The following SPRED2 variants were observed in gnomAD, a reference collection of about 807,000 sequenced individuals.
SPRED2 encodes the protein sprouty-related, EVH1 domain-containing protein 2.
In SPRED2, 47 loss-of-function variants were observed where a neutral mutation model predicts 43.0. The ratio of observed to expected loss-of-function variants is 1.09; its 90% CI spans 0.87 to 1.40. The LOEUF (loss-of-function observed/expected upper bound fraction) is 1.40. Among genes scored for constraint, SPRED2 ranks in the 40% most tolerant of loss-of-function variants. SPRED2 has a pLI of 0.00. For synonymous variants in SPRED2, 225 were observed against 225.7 expected (o/e 1.00, Z 0.03); for missense variants, 561 against 586.4 (o/e 0.96, Z 0.45).
At chr2:65,399,572 G>A (rs1020607314) in intron 1 of SPRED2, among the ~76,000 whole-genome samples, 7 of 151,680 alleles carry the variant, frequency 4.6e-5, no homozygotes, top group Non-Finnish European at 1.0e-4. Flanking sequence ...TAGTAGAGAC[G>A]GGGTTTCACC....
At chr2:65,419,499 C>T (rs1276922627) in intron 1 of SPRED2, among the ~76,000 whole-genome samples, 1 of 151,926 alleles carries the variant, frequency 6.6e-6, no homozygotes, top group Admixed American at 6.6e-5. Context: ...CGGTTCATAA[C>T]AATAATTCCC....
chr2:65,333,241 G>A (rs1411185628), intron 3 of SPRED2, among the ~76,000 whole-genome samples: 1 of 148,234 alleles, frequency 6.7e-6, no homozygotes, highest in African/African-American at 2.5e-5. Flanking sequence ...ACTCCAGCCT[G>A]GGCTGGAGAC....
intron 1 of SPRED2, chr2:65,377,860 A>G (rs556143362): frequency 6.0e-4 from 225 of 372,724 alleles, no homozygotes; most frequent in Middle Eastern, 1.9e-3. Context: ...GGGGCAGGAA[A>G]TTCTAAGCTG....
Position 65,431,969 on chromosome 2 carries a change from GGT to G in SPRED2, c.17_18del (p.His6ProfsTer4). 4 of 1,613,978 alleles carry G rather than the reference GGT, an allele frequency of 2.5e-6. No individual in the cohort carries two copies. The highest frequency in any genetic ancestry group is 2.5e-6 in the Non-Finnish European group (3 of 1,179,990). ...CCCCGCGACCAAACTTACTCGTCTG[GGT>G]GTGTTTCTTCGGTCATTTTCTTGTT... MTEET[H>X]PDDDSYIVRV... is the part of the protein sequence containing the mutation. On this transcript the variant is annotated frameshift_variant, in exon 1 of 6. Transcript: ENST00000356388. LOFTEE classifies it high-confidence loss of function.
At chr2:65,319,177 G>A (rs936725893) in intron 4 of SPRED2, among the ~76,000 whole-genome samples, 1 of 152,134 alleles carries the variant, frequency 6.6e-6, no homozygotes, top group Non-Finnish European at 1.5e-5. Flanking sequence ...CATCCCTCTG[G>A]AGACCCAACC....
intron 1 of SPRED2, chr2:65,377,663 G>C (rs961953479): frequency 8.5e-6 from 4 of 471,172 alleles, no homozygotes; most frequent in Admixed American, 4.7e-5. Context: ...CCCAGCTGGA[G>C]ATAAGACTGC....
At chr2:65,383,221 C>G (rs182119651) in intron 1 of SPRED2, among the ~76,000 whole-genome samples, 16 of 152,346 alleles carry the variant, frequency 1.1e-4, no homozygotes, top group African/African-American at 3.6e-4. Context: ...CTTAACCATA[C>G]TTGTCTATCA....
chr2:65,315,311 G>A (rs1444720017), intron 5 of SPRED2, among the ~76,000 whole-genome samples: 1 of 152,164 alleles, frequency 6.6e-6, no homozygotes, highest in Non-Finnish European at 1.5e-5. Context: ...GGACTGTTTT[G>A]AGAATGAAGA....
At chr2:65,382,807 C>CCAGTTTTAG (rs1402046884) in intron 1 of SPRED2, among the ~76,000 whole-genome samples, 1 of 152,122 alleles carries the variant, frequency 6.6e-6, no homozygotes, top group African/African-American at 2.4e-5. Flanking sequence ...TCGTACAAGC[C>CCAGTTTTAG]TCATTTCCAG....
chr2:65,334,340 A>G (rs1673900210), intron 3 of SPRED2: 1 of 564,644 alleles, frequency 1.8e-6, no homozygotes, highest in Non-Finnish European at 3.5e-6. Flanking sequence ...ATACATGCAC[A>G]TGGAAATCCA....
At chr2:65,307,341 A>G (rs1197223327), downstream of SPRED2, among the ~76,000 whole-genome samples, 1 of 152,066 alleles carries the variant, frequency 6.6e-6, no homozygotes, top group Non-Finnish European at 1.5e-5. Flanking sequence ...GATTACAGGC[A>G]TGCGCCACCA....
At chr2:65,333,110 A>G (rs1190441985) in intron 3 of SPRED2, among the ~76,000 whole-genome samples, 1 of 152,006 alleles carries the variant, frequency 6.6e-6, no homozygotes, top group African/African-American at 2.4e-5. Context: ...TACTAAAAAT[A>G]CAAAAATTAG....
intron 4 of SPRED2, among the ~76,000 whole-genome samples, chr2:65,322,864 T>C (rs924499855): frequency 1.3e-5 from 2 of 152,230 alleles, no homozygotes; most frequent in African/African-American, 4.8e-5. Context: ...ACTGAGATGA[T>C]TACAAAATCT....
chr2:65,376,343 T>C (rs552429046), intron 1 of SPRED2, among the ~76,000 whole-genome samples: 1 of 152,334 alleles, frequency 6.6e-6, no homozygotes, highest in African/African-American at 2.4e-5. Context: ...TCTGGACTGT[T>C]TAAATGTGGA....
intron 4 of SPRED2, among the ~76,000 whole-genome samples, chr2:65,331,664 TG>T (rs1053657721): frequency 4.2e-4 from 64 of 152,318 alleles, no homozygotes; most frequent in African/African-American, 1.2e-3. Context: ...GGACATTTTG[TG>T]CTAAAACCAG....
At chr2:65,428,277 C>A (rs1445646721) in intron 1 of SPRED2, among the ~76,000 whole-genome samples, 9 of 152,164 alleles carry the variant, frequency 5.9e-5, no homozygotes, top group Non-Finnish European at 2.9e-5. Flanking sequence ...CCCATTTTGT[C>A]CACTCCATAT....
At chr2:65,421,437 T>C (rs1269022503) in intron 1 of SPRED2, among the ~76,000 whole-genome samples, 4 of 152,222 alleles carry the variant, frequency 2.6e-5, no homozygotes, top group Non-Finnish European at 1.5e-5. Flanking sequence ...TTGTTAAGAA[T>C]GCAGAATCTC....
chr2:65,350,951 CT>C (rs1399422205), intron 1 of SPRED2, among the ~76,000 whole-genome samples: 2 of 152,176 alleles, frequency 1.3e-5, no homozygotes, highest in Non-Finnish European at 2.9e-5. Flanking sequence ...CAGTTTCCTC[CT>C]TTGCAAAATG....
chr2:65,326,216 T>C (rs1286194684), intron 4 of SPRED2, among the ~76,000 whole-genome samples: 1 of 151,938 alleles, frequency 6.6e-6, no homozygotes, highest in African/African-American at 2.4e-5. Flanking sequence ...TATTTACAAC[T>C]CCCCCCACCC....
Sources: allele counts gnomAD v4.1 joint callset (sites outside exome capture counted in the v4.1 genomes callset), GRCh38; gene constraint gnomAD v4.1.1; transcripts MANE v1.5; gene names NCBI Gene and HGNC (gene_info 2026-07-23, HGNC 2026-07-21).